Variants in OPCML observed in about 807,000 individuals in gnomAD.
OPCML encodes the protein opioid-binding protein/cell adhesion molecule.
In OPCML, 13 loss-of-function variants were observed where a neutral mutation model predicts 37.8. The observed-to-expected ratio is 0.34, with a 90% confidence interval of 0.22 to 0.55. The LOEUF (loss-of-function observed/expected upper bound fraction) is 0.55. Ranked by LOEUF, OPCML falls within the 20% of genes least tolerant of loss-of-function variation. The pLI is 0.91. For synonymous variants in OPCML, 176 were observed against 168.8 expected (o/e 1.04, Z -0.33); for missense variants, 341 against 435.6 (o/e 0.78, Z 1.93).
intron 1 of OPCML, among the ~76,000 whole-genome samples, chr11:133,405,290 C>A (rs557424264): frequency 1.4e-4 from 21 of 152,306 alleles, no homozygotes; most frequent in African/African-American, 4.8e-4. Context: ...GACAGGGCGT[C>A]TGGGCTGAAT....
chr11:133,229,725 G>C (rs7128849), intron 1 of OPCML, among the ~76,000 whole-genome samples: 14,495 of 152,212 alleles, frequency 0.095, 2,260 homozygotes, highest in African/African-American at 0.33. Context: ...GCATCCTCTG[G>C]GGGGCTTGGA....
At chr11:133,494,257 T>A (rs1032533895) in intron 1 of OPCML, among the ~76,000 whole-genome samples, 3 of 151,890 alleles carry the variant, frequency 2.0e-5, no homozygotes, top group African/African-American at 7.3e-5. Flanking sequence ...ATAGGAACAC[T>A]TTTACACTGT....
At position 132,460,612 on chromosome 11, in the gene OPCML, T is replaced by G. The variant is rs1330295756; in HGVS notation, c.506-23253A>C. Among the ~76,000 whole-genome samples, 5 of 152,126 alleles carry G rather than the reference T, an allele frequency of 3.3e-5. No individual in the cohort carries two copies. The East Asian group carries it at 9.7e-4, about 29-fold the overall frequency. On this transcript the variant is annotated intron_variant, in intron 4 of 7. Coordinates refer to ENST00000524381, the MANE Select transcript of OPCML (RefSeq NM_001012393.5). ...TTGGTATCTTGATGGCAAAGAAGAA[T>G]AAGAAAAAAATATAGAAAGTATTCA...
At chr11:132,972,612 T>C (rs1946369195) in intron 1 of OPCML, among the ~76,000 whole-genome samples, 6 of 152,254 alleles carry the variant, frequency 3.9e-5, no homozygotes, top group Admixed American at 3.9e-4. Context: ...TAATATGGCA[T>C]TTGGAAATGG....
chr11:132,591,888 T>C (rs563926486), intron 3 of OPCML, among the ~76,000 whole-genome samples: 6 of 152,298 alleles, frequency 3.9e-5, no homozygotes, highest in African/African-American at 7.2e-5. Context: ...GGTAAACAGA[T>C]TGATACTATA....
chr11:132,763,990 A>C (rs1946351942), intron 2 of OPCML, among the ~76,000 whole-genome samples: 1 of 152,242 alleles, frequency 6.6e-6, no homozygotes, highest in East Asian at 1.9e-4. Context: ...GACGACTACC[A>C]GGGCTCCCTC....
At chr11:132,980,448 A>G in intron 1 of OPCML, among the ~76,000 whole-genome samples, 1 of 152,222 alleles carries the variant, frequency 6.6e-6, no homozygotes, top group East Asian at 1.9e-4. Context: ...TTCCCCTAGA[A>G]CTAAAATAGG....
At chr11:133,363,407 T>G (rs1245646451) in intron 1 of OPCML, among the ~76,000 whole-genome samples, 1 of 152,196 alleles carries the variant, frequency 6.6e-6, no homozygotes, top group Non-Finnish European at 1.5e-5. Context: ...TGACCAAGCC[T>G]ACCTTGTTTA....
chr11:133,523,873 GT>G (rs1186561568), intron 1 of OPCML, among the ~76,000 whole-genome samples: 3 of 152,128 alleles, frequency 2.0e-5, no homozygotes, highest in African/African-American at 7.2e-5. Context: ...CTGTTCAATT[GT>G]CACTTTCATA....
intron 1 of OPCML, among the ~76,000 whole-genome samples, chr11:133,122,123 G>A (rs1949432157): frequency 6.6e-6 from 1 of 152,124 alleles, no homozygotes; most frequent in Non-Finnish European, 1.5e-5. Flanking sequence ...GTTGTTCCTG[G>A]TAATAGTAGA....
intron 2 of OPCML, among the ~76,000 whole-genome samples, chr11:132,826,647 C>A (rs951529926): frequency 6.6e-6 from 1 of 152,170 alleles, no homozygotes; most frequent in Non-Finnish European, 1.5e-5. Context: ...ATCAGTGATC[C>A]ACTTGTCTGA....
At chr11:132,607,890 C>T (rs58614826) in intron 3 of OPCML, among the ~76,000 whole-genome samples, 28,569 of 151,948 alleles carry the variant, frequency 0.19, 3,735 homozygotes, top group East Asian at 0.65. Context: ...GAGGTTGAGT[C>T]GTAGGTACAA....
chr11:132,446,988 T>C (rs1177084508), intron 4 of OPCML, among the ~76,000 whole-genome samples: 1 of 152,168 alleles, frequency 6.6e-6, no homozygotes, highest in African/African-American at 2.4e-5. Flanking sequence ...AATACTGTGT[T>C]ACCTAAGGGC....
intron 2 of OPCML, among the ~76,000 whole-genome samples, chr11:132,837,707 AGAG>A (rs1004947616): frequency 6.6e-6 from 1 of 152,208 alleles, no homozygotes; most frequent in African/African-American, 2.4e-5. Context: ...AAGACTCCAC[AGAG>A]GAGATGACTC....
intron 1 of OPCML, among the ~76,000 whole-genome samples, chr11:133,370,402 AT>A (rs534712274): frequency 2.0e-5 from 3 of 152,238 alleles, no homozygotes; most frequent in African/African-American, 7.2e-5. Flanking sequence ...ATATACAAAA[AT>A]CAGCAGCATT....
intron 1 of OPCML, among the ~76,000 whole-genome samples, chr11:133,074,541 CA>C (rs1420693008): frequency 6.6e-6 from 1 of 152,042 alleles, no homozygotes; most frequent in East Asian, 1.9e-4. Context: ...GCAGACTTTC[CA>C]GGCCAGACTT....
At chr11:133,365,165 G>A (rs1228298456) in intron 1 of OPCML, 2 of 152,138 alleles carry the variant, frequency 1.3e-5, no homozygotes, top group African/African-American at 4.8e-5. Context: ...AGTTACACAG[G>A]CCTGCACAGT....
chr11:133,026,295 G>A, intron 1 of OPCML: 1 of 840,646 alleles, frequency 1.2e-6, no homozygotes, highest in Non-Finnish European at 1.4e-6. Flanking sequence ...AATGGATTTG[G>A]GGTTTGGGCT....
chr11:132,830,912 C>T (rs1294699476), intron 2 of OPCML, among the ~76,000 whole-genome samples: 1 of 152,120 alleles, frequency 6.6e-6, no homozygotes. Context: ...AAAGGAAGTG[C>T]AGAAGAAGCA....
Sources: allele counts gnomAD v4.1 joint callset (sites outside exome capture counted in the v4.1 genomes callset), GRCh38; gene constraint gnomAD v4.1.1; transcripts MANE v1.5; gene names NCBI Gene and HGNC (gene_info 2026-07-23, HGNC 2026-07-21).